The following PXMP2 variants were observed in gnomAD, a reference collection of about 807,000 sequenced individuals.
PXMP2 encodes peroxisomal membrane protein 2, also known as 22 kDa peroxisomal membrane protein.
PXMP2 carries 13 observed loss-of-function variants against 20.2 expected under a neutral mutation model. The ratio of observed to expected loss-of-function variants is 0.64; its 90% CI spans 0.42 to 1.02. The LOEUF is 1.02. PXMP2 is among the 50% of genes least tolerant of loss of function. The probability of loss-of-function intolerance (pLI) is 0.00; values close to 1 mark genes in which losing one functional copy is unlikely to be tolerated. For synonymous variants in PXMP2, 113 were observed against 111.2 expected (o/e 1.02, Z -0.10); for missense variants, 284 against 251.8 (o/e 1.13, Z -0.87).
intron 2 of PXMP2, among the ~76,000 whole-genome samples, 156 bp from the exon 3 acceptor site, chr12:132,695,728 G>A (rs2043406308): frequency 1.3e-5 from 2 of 152,174 alleles, no homozygotes; most frequent in African/African-American, 4.8e-5. Context: ...GAGACAGAGC[G>A]CCCCTGAAGC....
Position 132,695,955 on chromosome 12 carries a change from C to T in PXMP2, c.308C>T (p.Pro103Leu). 10 of 1,612,706 alleles carry T rather than the reference C, an allele frequency of 6.2e-6. No individual in the cohort carries two copies. The highest frequency in any genetic ancestry group is 8.5e-6 in the Non-Finnish European group (10 of 1,179,380). ...GAACATTGGATCCCTCCTGAGGTCC[C>T]CCTGGCAGGGCTCAGGAGGCTTCTC... ...FMEHWIPPEV[P>L]LAGLRRLLLD... is the part of the protein sequence containing the mutation. Residue 103 changes from proline (P) to leucine (L), a missense_variant, in exon 3 of 5, where the codon CCC becomes CTC. Coordinates refer to ENST00000317479, the MANE Select transcript of PXMP2 (RefSeq NM_018663.3).
intron 1 of PXMP2, among the ~76,000 whole-genome samples, chr12:132,689,941 A>G (rs1236682590): frequency 6.6e-6 from 1 of 152,228 alleles, no homozygotes; most frequent in Non-Finnish European, 1.5e-5. Flanking sequence ...GTCAAAATGC[A>G]GAACAGCGTC....
chr12:132,693,872 TCCCTTAGCCAGTTAGATAGTGAGCG>T (rs2043389704), intron 2 of PXMP2, among the ~76,000 whole-genome samples: 5 of 68,428 alleles, frequency 7.3e-5, no homozygotes, highest in African/African-American at 1.5e-4. Context: ...GTTAGTGAGC[TCCCTTAGCCAGTTAGATAGTGAGCG>T]CCCTTAGCCA....
At chr12:132,690,457 T>G in intron 2 of PXMP2, 81 bp downstream of exon 2, 1 of 1,010,812 alleles carries the variant, frequency 9.9e-7, no homozygotes, top group Non-Finnish European at 1.5e-6. Context: ...GTAGTTGGAG[T>G]ACTCTTATTT....
At position 132,687,621 on chromosome 12, in the gene PXMP2, C is replaced by G; in HGVS notation, c.-50C>G. 1.7e-6 allele frequency: 2 copies of G among 1,159,342 alleles called. No individual in the cohort carries two copies. The highest frequency in any genetic ancestry group is 2.1e-6 in the Non-Finnish European group (2 of 941,804). The allele number at this position is 1,159,342 out of a possible 1,614,324, so 71.8% of individuals were successfully genotyped here. Reference sequence around the variant, plus strand: ...TCGGCGCCTCGGGCTCCGCGCCCGGCCAGCCTGAGGTGGGGTCGGTGCCCC... The same window carrying G: ...TCGGCGCCTCGGGCTCCGCGCCCGGGCAGCCTGAGGTGGGGTCGGTGCCCC... On this transcript the variant is annotated 5_prime_UTR_variant, in exon 1 of 5. Transcript: ENST00000317479.
chr12:132,702,518 A>C (rs73485183), intron 4 of PXMP2: 19,445 of 391,160 alleles, frequency 0.05, 834 homozygotes, highest in Admixed American at 0.14. Flanking sequence ...CTACAGGAGG[A>C]GGCCTGGCAG....
chr12:132,694,938 TA>T (rs67475235), intron 2 of PXMP2, among the ~76,000 whole-genome samples: 8 of 71,898 alleles, frequency 1.1e-4, no homozygotes, highest in South Asian at 8.6e-4. Context: ...TGAGCTCCCT[TA>T]GCCAGTTAGT....
Position 132,690,333 on chromosome 12 carries a change from A to G in PXMP2, c.193A>G (p.Arg65Gly). Reference sequence around the variant, plus strand: ...GAAGAAGCGGAAAAAAGAAAACTCTAGAAGTCTGGATGTCGGTGGGCCTCT... The same window carrying G: ...GAAGAAGCGGAAAAAAGAAAACTCTGGAAGTCTGGATGTCGGTGGGCCTCT... ...IEKKRKKENS[R>G]SLDVGGPLRY... The change falls in exon 2 of 5, where the codon AGA (arginine) becomes GGA (glycine). Residue 65 changes from arginine to glycine, a missense_variant. Transcript: ENST00000317479. 1 of 1,614,056 alleles carries G rather than the reference A, an allele frequency of 6.2e-7. No individual in the cohort carries two copies. The highest frequency in any genetic ancestry group is 8.5e-7 in the Non-Finnish European group (1 of 1,179,966).
At chr12:132,693,645 T>C (rs866536649) in intron 2 of PXMP2, among the ~76,000 whole-genome samples, 9 of 104,582 alleles carry the variant, frequency 8.6e-5, no homozygotes, top group Admixed American at 3.8e-4. Flanking sequence ...CCTTGCCAGT[T>C]AGTGAGCGCC....
At position 132,687,770 on chromosome 12, in the gene PXMP2, G is replaced by A. The variant is rs949759797; in HGVS notation, c.100G>A (p.Val34Met). ...CCTGCTCTTCCTGCGGCTCTACCCG[G>A]TGCTCACCAAGGCGGCCACCAGGTG... ...QYLLFLRLYP[V>M]LTKAATSGIL... Residue 34 changes from valine to methionine, a missense_variant, in exon 1 of 5, where the codon GTG becomes ATG. Transcript: ENST00000317479. The A allele has an allele frequency of 3.4e-6, 4 of 1,188,460 alleles. No homozygotes were observed. The highest frequency in any genetic ancestry group is 3.3e-5 in the South Asian group (1 of 30,002). 73.6% of individuals were successfully genotyped at this position (1,188,460 alleles called of 1,614,324 possible).
At position 132,690,336 on chromosome 12, in the gene PXMP2, A is replaced by C. The variant is rs948687251; in HGVS notation, c.196A>C (p.Ser66Arg). Reference sequence around the variant, plus strand: ...GAAGCGGAAAAAAGAAAACTCTAGAAGTCTGGATGTCGGTGGGCCTCTGAG... The same window carrying C: ...GAAGCGGAAAAAAGAAAACTCTAGACGTCTGGATGTCGGTGGGCCTCTGAG... ...EKKRKKENSRSLDVGGPLRYA... is the reference protein window; with the variant it reads ...EKKRKKENSRRLDVGGPLRYA... Residue 66 changes from serine (S) to arginine (R), a missense_variant, in exon 2 of 5, where the codon AGT becomes CGT. Ser to Arg is a moderately radical substitution (Grantham distance 110). Transcript: ENST00000317479. 16 of 1,613,906 alleles carry C rather than the reference A, an allele frequency of 9.9e-6. No homozygotes were observed. The highest frequency in any genetic ancestry group is 1.4e-5 in the Non-Finnish European group (16 of 1,179,968).
chr12:132,698,374 G>A (rs2043421567), intron 3 of PXMP2, among the ~76,000 whole-genome samples: 1 of 152,108 alleles, frequency 6.6e-6, no homozygotes, highest in South Asian at 2.1e-4. Flanking sequence ...AGTTATAAAG[G>A]TTCATGTATT....
At chr12:132,694,627 TAGAG>T (rs2043398366) in intron 2 of PXMP2, among the ~76,000 whole-genome samples, 1 of 120,026 alleles carries the variant, frequency 8.3e-6, no homozygotes, top group Admixed American at 8.1e-5. Flanking sequence ...CTTAGCTAGT[TAGAG>T]AGCTCCCTTG....
At chr12:132,704,304 G>C (rs2043458531) in intron 4 of PXMP2, among the ~76,000 whole-genome samples, 1 of 152,136 alleles carries the variant, frequency 6.6e-6, no homozygotes, top group South Asian at 2.1e-4. Context: ...GCTGGTCCTG[G>C]AGTGAGAGAG....
intron 2 of PXMP2, among the ~76,000 whole-genome samples, chr12:132,694,940 GCCAGTTAGTTAGTGAGCT>G: frequency 2.8e-5 from 2 of 70,780 alleles, no homozygotes; most frequent in South Asian, 4.3e-4. Context: ...AGCTCCCTTA[GCCAGTTAGTTAGTGAGCT>G]CCCTTGCCAG....
rs773488867 is a variant in PXMP2 at position 132,701,247 on chromosome 12, C to G, written c.400-3C>G. On this transcript the variant is annotated splice_region_variant and splice_polypyrimidine_tract_variant and intron_variant, in intron 3 of 4. Coordinates refer to ENST00000317479, the MANE Select transcript of PXMP2 (RefSeq NM_018663.3). ...TTCACCACCCGCCTTCCCTCCTTTG[C>G]AGGGGAAAGACGCCTCAGCCTTCGC... 8 of 1,613,476 alleles carry G rather than the reference C, an allele frequency of 5.0e-6. No individual in the cohort carries two copies. Among genetic ancestry groups the G allele is most frequent in the Non-Finnish European group, 6.8e-6 (8 of 1,179,952 alleles).
chr12:132,695,226 G>T (rs1330375148), intron 2 of PXMP2, among the ~76,000 whole-genome samples: 1 of 151,572 alleles, frequency 6.6e-6, no homozygotes, highest in Non-Finnish European at 1.5e-5. Context: ...TAGTGCCCTT[G>T]CCAGTTAGTG....
chr12:132,695,843 C>A, intron 2 of PXMP2, 41 bp from the exon 3 acceptor site: 1 of 1,567,810 alleles, frequency 6.4e-7, no homozygotes. Context: ...AGAGCACATC[C>A]AGAGAACCAC....
At chr12:132,687,966 C>A (rs2043319340) in intron 1 of PXMP2, 174 bp downstream of exon 1, 1 of 576,656 alleles carries the variant, frequency 1.7e-6, no homozygotes, top group Admixed American at 5.5e-5. Context: ...CACCCGCGTC[C>A]GCAGTCAGCG....
Sources: allele counts gnomAD v4.1 joint callset (sites outside exome capture counted in the v4.1 genomes callset), GRCh38; gene constraint gnomAD v4.1.1; transcripts MANE v1.5; gene names NCBI Gene and HGNC (gene_info 2026-07-23, HGNC 2026-07-21).